Variants in RASSF3 observed in about 807,000 individuals in gnomAD.
The protein encoded by RASSF3 is Ras association domain family member 3.
RASSF3 carries 19 observed loss-of-function variants against 19.9 expected under a neutral mutation model. The observed-to-expected ratio is 0.96, with a 90% CI of 0.67 to 1.40. The LOEUF (loss-of-function observed/expected upper bound fraction) is 1.40, where lower values mean the gene tolerates loss of function less well. Ranked by LOEUF, RASSF3 falls within the 40% of genes most tolerant of loss-of-function variation. The pLI, the probability that RASSF3 is intolerant of heterozygous loss-of-function variation, is 0.00. For synonymous variants in RASSF3, 110 were observed against 104.2 expected (o/e 1.06, Z -0.34); for missense variants, 306 against 289.8 (o/e 1.06, Z -0.41).
At chr12:64,674,744 C>T (rs930547882) in intron 1 of RASSF3, among the ~76,000 whole-genome samples, 10 of 152,038 alleles carry the variant, frequency 6.6e-5, no homozygotes, top group Admixed American at 3.3e-4. Flanking sequence ...GTGGTTAGGA[C>T]GGCTTCCTGG....
intron 1 of RASSF3, among the ~76,000 whole-genome samples, chr12:64,675,279 T>C (rs1350348918): frequency 6.6e-6 from 1 of 152,066 alleles, no homozygotes; most frequent in African/African-American, 2.4e-5. Flanking sequence ...TCGCTTAAGG[T>C]TTTCTTGCTA....
intron 1 of RASSF3, among the ~76,000 whole-genome samples, chr12:64,513,359 A>T (rs1372646151): frequency 6.6e-6 from 1 of 151,840 alleles, no homozygotes; most frequent in Non-Finnish European, 1.5e-5. Flanking sequence ...CTGACGCAGA[A>T]GAATTGCTTG....
At chr12:64,673,858 G>T (rs1026110150) in intron 1 of RASSF3, among the ~76,000 whole-genome samples, 3 of 151,840 alleles carry the variant, frequency 2.0e-5, no homozygotes, top group Admixed American at 2.0e-4. Flanking sequence ...GGGACCTCAT[G>T]CTGGGGCACT....
At chr12:64,571,646 T>A (rs1869521349) in intron 2 of RASSF3, among the ~76,000 whole-genome samples, 1 of 152,224 alleles carries the variant, frequency 6.6e-6, no homozygotes, top group Admixed American at 6.5e-5. Flanking sequence ...CAGCCTCTTC[T>A]GATCTGGTGT....
At position 64,688,466 on chromosome 12, in the gene RASSF3, C is replaced by T; in HGVS notation, c.457+13C>T. On this transcript the variant is annotated intron_variant, in intron 3 of 4. Transcript: ENST00000542104. ...AGGGAAGACCAAGGTACGCTGCCAG[C>T]TTAAAAGGAAAATGGTCTGTGCTTC... is the stretch of plus-strand genomic sequence containing the variant. The T allele has an allele frequency of 6.4e-7, 1 of 1,574,032 alleles. No homozygotes were observed. Among genetic ancestry groups the T allele is most frequent in the Non-Finnish European group, 8.7e-7 (1 of 1,143,774 alleles).
chr12:64,560,424 A>C (rs1399321252), intron 2 of RASSF3, among the ~76,000 whole-genome samples: 1 of 152,162 alleles, frequency 6.6e-6, no homozygotes, highest in Non-Finnish European at 1.5e-5. Context: ...ACTTAGCAGT[A>C]ATCAGTCAAC....
chr12:64,568,063 G>A lies in RASSF3; in HGVS notation c.294+26358G>A, dbSNP rs543622337. 3.9e-5 allele frequency among the ~76,000 whole-genome samples: 6 copies of A among 152,214 alleles called. No individual in the cohort carries two copies. The South Asian group carries it at 6.2e-4, about 16-fold the overall frequency. On this transcript the variant is annotated intron_variant, in intron 2 of 5. Coordinates refer to the RASSF3 transcript ENST00000637125. ...TTTTGTTTTTTTGAGATGGAGTCTC[G>A]CTCTGTTGCCCAGGCTGGAGTGCAG...
chr12:64,585,138 C>A (rs879120551), intron 2 of RASSF3, among the ~76,000 whole-genome samples: 3 of 152,110 alleles, frequency 2.0e-5, no homozygotes, highest in Admixed American at 2.0e-4. Context: ...CCTGCCTCGG[C>A]CTCCCAGAGT....
intron 1 of RASSF3, chr12:64,622,547 T>G (rs778859813): frequency 7.7e-6 from 4 of 519,608 alleles, no homozygotes; most frequent in South Asian, 5.8e-5. Flanking sequence ...GTAATTGCGG[T>G]TTTTGCCATT....
At chr12:64,686,622 T>C (rs1302133280) in intron 2 of RASSF3, among the ~76,000 whole-genome samples, 2 of 127,950 alleles carry the variant, frequency 1.6e-5, no homozygotes, top group Non-Finnish European at 3.3e-5. Flanking sequence ...AAAAAAAGAG[T>C]TCAAGGCCAG....
chr12:64,543,440 CCG>C (rs1565836101), downstream of RASSF3, among the ~76,000 whole-genome samples: 2 of 58,898 alleles, frequency 3.4e-5, no homozygotes, highest in Non-Finnish European at 6.0e-5. Flanking sequence ...CCCGCCCCCC[CCG>C]TGCCCGCCCG....
chr12:64,621,531 G>A (rs1049474189), intron 1 of RASSF3, among the ~76,000 whole-genome samples: 1 of 152,160 alleles, frequency 6.6e-6, no homozygotes, highest in Non-Finnish European at 1.5e-5. Flanking sequence ...AGGCTGGAGA[G>A]CAATGGTGCG....
chr12:64,641,416 G>GCGCGCA (rs1871521989), intron 1 of RASSF3, among the ~76,000 whole-genome samples: 1 of 126,282 alleles, frequency 7.9e-6, no homozygotes, highest in African/African-American at 3.7e-5. Flanking sequence ...ACACACACAC[G>GCGCGCA]CGCGCGCGCG....
chr12:64,643,966 A>G (rs1339324321), intron 1 of RASSF3, among the ~76,000 whole-genome samples: 1 of 151,966 alleles, frequency 6.6e-6, no homozygotes, highest in Non-Finnish European at 1.5e-5. Context: ...AGGTAAGTGT[A>G]AACTTGTATG....
chr12:64,621,691 C>T (rs148413461), intron 1 of RASSF3, among the ~76,000 whole-genome samples: 25 of 152,268 alleles, frequency 1.6e-4, no homozygotes, highest in South Asian at 6.2e-4. Context: ...TGGATGGTCT[C>T]GAACTCCTGA....
intron 2 of RASSF3, among the ~76,000 whole-genome samples, chr12:64,560,386 T>A (rs954331383): frequency 1.2e-4 from 18 of 152,170 alleles, no homozygotes; most frequent in African/African-American, 4.3e-4. Context: ...CTCTATTGCT[T>A]GTTATCACTT....
chr12:64,538,135 C>G (rs180834179), intron 1 of RASSF3, among the ~76,000 whole-genome samples: 12 of 152,136 alleles, frequency 7.9e-5, no homozygotes, highest in African/African-American at 2.9e-4. Context: ...ACTACAGGTG[C>G]GTGACCTCAT....
At chr12:64,522,856 G>C (rs1868507224) in intron 1 of RASSF3, among the ~76,000 whole-genome samples, 2 of 152,144 alleles carry the variant, frequency 1.3e-5, no homozygotes, top group Non-Finnish European at 2.9e-5. Flanking sequence ...AGGCTCCTGG[G>C]GGAAAGGTGG....
At chr12:64,647,058 A>G (rs1871759449) in intron 1 of RASSF3, among the ~76,000 whole-genome samples, 1 of 152,170 alleles carries the variant, frequency 6.6e-6, no homozygotes, top group Non-Finnish European at 1.5e-5. Flanking sequence ...CTGTCTAACT[A>G]CAAAGGATGG....
Sources: gnomAD v4.1 joint callset for allele counts (sites outside exome capture counted in the v4.1 genomes callset) on GRCh38, gnomAD v4.1.1 for gene constraint, MANE v1.5 for transcripts, NCBI Gene and HGNC (gene_info 2026-07-23, HGNC 2026-07-21) for gene names.